FARP2: variants seen among roughly 807,000 people sequenced by gnomAD.
The protein encoded by FARP2 is FERM, ARH/RhoGEF and pleckstrin domain protein 2.
Under a neutral mutation model 130.5 loss-of-function variants are expected in FARP2, and 111 were observed. That is an observed-to-expected ratio of 0.85 (90% confidence interval 0.73 to 1.00). The LOEUF is 1.00. Ranked by LOEUF, FARP2 falls within the 50% of genes least tolerant of loss-of-function variation. The probability of loss-of-function intolerance (pLI) is 0.00; values close to 1 mark genes in which losing one functional copy is unlikely to be tolerated. For synonymous variants in FARP2, 504 were observed against 516.9 expected, an observed-to-expected ratio of 0.98 and a Z score of 0.34; for missense variants, 1,385 against 1,346.3, an observed-to-expected ratio of 1.03 and a Z score of -0.45.
chr2:241,415,162 C>T (rs1458807687), intron 7 of FARP2, among the ~76,000 whole-genome samples: 1 of 152,162 alleles, frequency 6.6e-6, no homozygotes, highest in Non-Finnish European at 1.5e-5. Context: ...CATCCATTTG[C>T]CTGACCTGAC....
intron 12 of FARP2, among the ~76,000 whole-genome samples, chr2:241,439,410 A>G (rs1009747860): frequency 1.5e-4 from 23 of 148,648 alleles, no homozygotes; most frequent in African/African-American, 5.2e-4. Context: ...GTTCATTGCA[A>G]CCTCCACCTC....
intron 12 of FARP2, among the ~76,000 whole-genome samples, chr2:241,439,682 C>T (rs2063333339): frequency 6.6e-6 from 1 of 152,112 alleles, no homozygotes; most frequent in South Asian, 2.1e-4. Flanking sequence ...CCTTTAAGGA[C>T]AGGCACAGTG....
intron 7 of FARP2, among the ~76,000 whole-genome samples, chr2:241,417,466 A>G (rs574130530): frequency 1.3e-5 from 2 of 151,350 alleles, no homozygotes; most frequent in African/African-American, 2.4e-5. Context: ...GCTCACTGCA[A>G]CCTCCGCCAC....
At position 241,373,310 on chromosome 2, in the gene FARP2, G is replaced by A; in HGVS notation, c.183+20G>A. ...ATTGAGGTAAGAAGCATGATTTTTG[G>A]AGGCATATTTCCTTATATCTTCTAA... On this transcript the variant is annotated intron_variant, in intron 2 of 26. Coordinates refer to ENST00000264042, the MANE Select transcript of FARP2 (RefSeq NM_014808.4). 7.3e-7 allele frequency: 1 copy of A among 1,370,138 alleles called. No individual in the cohort carries two copies. The highest frequency in any genetic ancestry group is 9.6e-7 in the Non-Finnish European group (1 of 1,046,632). The allele number at this position is 1,370,138 out of a possible 1,614,324, so 84.9% of individuals were successfully genotyped here.
intron 1 of FARP2, among the ~76,000 whole-genome samples, chr2:241,372,304 CA>C (rs1420250727): frequency 6.6e-6 from 1 of 152,032 alleles, no homozygotes; most frequent in African/African-American, 2.4e-5. Flanking sequence ...AGGGCCTGAC[CA>C]GGGGCAGGTG....
chr2:241,407,222 T>C (rs2062383588), intron 4 of FARP2, among the ~76,000 whole-genome samples: 1 of 152,106 alleles, frequency 6.6e-6, no homozygotes, highest in Non-Finnish European at 1.5e-5. Context: ...CAGGAAATGC[T>C]TCTTTGTTTT....
chr2:241,490,214 C>G (rs1427536044), intron 22 of FARP2, among the ~76,000 whole-genome samples, 170 bp downstream of exon 22: 1 of 152,196 alleles, frequency 6.6e-6, no homozygotes, highest in Non-Finnish European at 1.5e-5. Context: ...AAGGAGCAGC[C>G]TCGCCCTTGT....
At chr2:241,491,483 G>A in intron 23 of FARP2, 33 bp from the exon 24 acceptor site, 1 of 1,611,280 alleles carries the variant, frequency 6.2e-7, no homozygotes, top group Non-Finnish European at 8.5e-7. Flanking sequence ...GCCACAGGGG[G>A]TTCCCCCTGA....
Position 241,418,074 on chromosome 2 carries a change from C to T in FARP2, c.736C>T (p.Leu246=). Reference sequence around the variant, plus strand: ...TGACAGGGAAGGAACCAAGATTCAACTGGCAGTTTCCCACATGGGTGTACT... The same window carrying T: ...TGACAGGGAAGGAACCAAGATTCAATTGGCAGTTTCCCACATGGGTGTACT... ...ASDREGTKIQ[L]AVSHMGVLVF... is the part of the protein sequence containing the mutation. The change falls in exon 8 of 27, where the codon CTG becomes TTG. Residue 246 remains leucine (L), a synonymous_variant. Transcript: ENST00000264042. 1 of 1,614,220 alleles carries T rather than the reference C, an allele frequency of 6.2e-7. No homozygotes were observed. Among genetic ancestry groups the T allele is most frequent in the Non-Finnish European group, 8.5e-7 (1 of 1,180,044 alleles).
chr2:241,468,547 C>G lies in FARP2; in HGVS notation c.2131+170C>G, dbSNP rs542329347. On this transcript the variant is annotated intron_variant, in intron 18 of 26. Coordinates refer to ENST00000264042, the MANE Select transcript of FARP2 (RefSeq NM_014808.4). Reference sequence around the variant, plus strand: ...GCCCTGGCCTTCCTTCCCGTCTCCTCTGGCTGCTGGCAGAGGGCAGGTCCC... The same window carrying G: ...GCCCTGGCCTTCCTTCCCGTCTCCTGTGGCTGCTGGCAGAGGGCAGGTCCC... 2.0e-5 allele frequency among the ~76,000 whole-genome samples: 3 copies of G among 152,380 alleles called. No homozygotes were observed. The East Asian group carries it at 5.8e-4, about 29-fold the overall frequency.
At chr2:241,391,579 C>G (rs2061904674) in intron 2 of FARP2, among the ~76,000 whole-genome samples, 1 of 152,156 alleles carries the variant, frequency 6.6e-6, no homozygotes, top group Admixed American at 6.5e-5. Context: ...CTTCTGAGAG[C>G]ACTAGAAGGC....
intron 18 of FARP2, among the ~76,000 whole-genome samples, chr2:241,468,942 A>G (rs527810720): frequency 6.6e-6 from 1 of 152,364 alleles, no homozygotes; most frequent in South Asian, 2.1e-4. Context: ...ATTTTATTGT[A>G]AATTTAGTCC....
chr2:241,359,383 G>A (rs774912208), intron 1 of FARP2, among the ~76,000 whole-genome samples: 7 of 152,130 alleles, frequency 4.6e-5, no homozygotes, highest in Non-Finnish European at 8.8e-5. Flanking sequence ...ATGAAAATGT[G>A]GTCATGTCCT....
chr2:241,437,550 C>G (rs2063264339), intron 12 of FARP2, among the ~76,000 whole-genome samples: 2 of 151,704 alleles, frequency 1.3e-5, no homozygotes, highest in South Asian at 4.2e-4. Flanking sequence ...ACTGCAACCT[C>G]TGCTTCCTGG....
chr2:241,380,237 G>C (rs1186716513), intron 2 of FARP2, among the ~76,000 whole-genome samples: 1 of 152,202 alleles, frequency 6.6e-6, no homozygotes, highest in Admixed American at 6.5e-5. Flanking sequence ...GAAACTTGCT[G>C]ACTGGGTCAC....
intron 1 of FARP2, among the ~76,000 whole-genome samples, chr2:241,369,500 A>G (rs1172172889): frequency 6.6e-6 from 1 of 151,578 alleles, no homozygotes; most frequent in Non-Finnish European, 1.5e-5. Context: ...TTATCAGTGG[A>G]ATGTGCACCT....
At chr2:241,404,672 G>T (rs947021414) in intron 3 of FARP2, 127 bp from the exon 4 acceptor site, 2 of 645,328 alleles carry the variant, frequency 3.1e-6, no homozygotes, top group Non-Finnish European at 5.5e-6. Flanking sequence ...TTTAAGAGGG[G>T]GGGTAGAGTC....
rs746099794 is a variant in FARP2 at position 241,489,949 on chromosome 2, C to G, written c.2422-13C>G. On this transcript the variant is annotated splice_polypyrimidine_tract_variant and intron_variant, in intron 21 of 26. Coordinates refer to ENST00000264042, the MANE Select transcript of FARP2 (RefSeq NM_014808.4). ...CTTGGCCACAAGACTTGGACCGTTT[C>G]TCCCACCCACAGGTGGAAGAAAGTG... The G allele has an allele frequency of 6.3e-7, 1 of 1,593,880 alleles. No homozygotes were observed. Among genetic ancestry groups the G allele is most frequent in the South Asian group, 1.1e-5 (1 of 90,698 alleles).
At chr2:241,376,829 T>G (rs2061546082) in intron 2 of FARP2, among the ~76,000 whole-genome samples, 1 of 152,216 alleles carries the variant, frequency 6.6e-6, no homozygotes, top group African/African-American at 2.4e-5. Flanking sequence ...CAGGTCTGTC[T>G]TGGTGAAGAC....
Sources: allele counts gnomAD v4.1 joint callset (sites outside exome capture counted in the v4.1 genomes callset), GRCh38; gene constraint gnomAD v4.1.1; transcripts MANE v1.5; gene names NCBI Gene and HGNC (gene_info 2026-07-23, HGNC 2026-07-21).